Variants in EPS15 observed in about 807,000 individuals in gnomAD.
EPS15 encodes the protein epidermal growth factor receptor substrate 15.
A neutral mutation model predicts 113.8 loss-of-function variants in EPS15; 72 were observed. The ratio of observed to expected loss-of-function variants is 0.63; its 90% confidence interval spans 0.52 to 0.77. EPS15 has a LOEUF of 0.77. Among genes scored for constraint, EPS15 ranks in the 30% least tolerant of loss-of-function variants. EPS15 has a pLI of 0.00. For synonymous variants in EPS15, 344 were observed against 363.4 expected, an observed-to-expected ratio of 0.95 and a Z score of 0.61; for missense variants, 1,048 against 1,045.8, an observed-to-expected ratio of 1.00 and a Z score of -0.03.
intron 1 of EPS15, among the ~76,000 whole-genome samples, chr1:51,499,165 G>A (rs1173582370): frequency 1.3e-5 from 2 of 152,176 alleles, no homozygotes; most frequent in African/African-American, 4.8e-5. Context: ...ATAAATTTCT[G>A]TTCTTTCTAA....
In EPS15 at chr1:51,374,344, C is replaced by T. The variant is rs116287887; in HGVS notation, c.2120-8315G>A. ...TAGAAAGTAAGTATCCTGCCGGGTA[C>T]GGTTGCTCATGCCTGTAATCCCAGC... is the stretch of plus-strand genomic sequence containing the variant. On this transcript the variant is annotated intron_variant, in intron 21 of 24. Transcript: ENST00000371733. Among the ~76,000 whole-genome samples the T allele has an allele frequency of 3.2e-3, 483 of 152,274 alleles. 4 individuals carry two copies. The highest frequency in any genetic ancestry group is 0.011 in the African/African-American group (468 of 41,554).
intron 15 of EPS15, among the ~76,000 whole-genome samples, chr1:51,406,828 C>A (rs1457750310): frequency 6.6e-6 from 1 of 152,040 alleles, no homozygotes; most frequent in African/African-American, 2.4e-5. Context: ...CTAGGGGAGA[C>A]AGACATATAA....
At position 51,405,954 on chromosome 1, in the gene EPS15, A is replaced by C; in HGVS notation, c.1628T>G (p.Val543Gly). The C allele has an allele frequency of 6.2e-7, 1 of 1,614,150 alleles. No homozygotes were observed. The highest frequency in any genetic ancestry group is 8.5e-7 in the Non-Finnish European group (1 of 1,180,016). ...SSETANLNEH[V>G]EGQSNLESEP... is the part of the protein sequence containing the mutation. Reference sequence around the variant, plus strand: ...AGACTCTAGGTTGCTCTGGCCTTCAACATGTTCATTAAGGTTGGCTGTTTC... The same window carrying C: ...AGACTCTAGGTTGCTCTGGCCTTCACCATGTTCATTAAGGTTGGCTGTTTC... Residue 543 changes from valine to glycine, a missense_variant, in exon 16 of 25, where the codon GTT (valine) becomes GGT (glycine). Physicochemically the swap from Val to Gly is moderately radical, Grantham distance 109 (BLOSUM62 -3). Transcript: ENST00000371733.
chr1:51,370,698 G>A (rs1440246161), intron 21 of EPS15, among the ~76,000 whole-genome samples: 3 of 151,278 alleles, frequency 2.0e-5, no homozygotes, highest in East Asian at 1.9e-4. Context: ...TCAGCTCACC[G>A]AAACCTCCGC....
At chr1:51,475,825 A>C (rs1403020026) in intron 2 of EPS15, among the ~76,000 whole-genome samples, 5 of 152,174 alleles carry the variant, frequency 3.3e-5, no homozygotes, top group Admixed American at 6.5e-5. Flanking sequence ...TCTAACATTT[A>C]AGTCTTTAAT....
At chr1:51,508,182 AAAAGAG>A (rs1644531412) in intron 1 of EPS15, among the ~76,000 whole-genome samples, 1 of 135,930 alleles carries the variant, frequency 7.4e-6, no homozygotes, top group Admixed American at 8.1e-5. Context: ...CTCAGTCACA[AAAAGAG>A]AAAAGAAAAG....
rs1318350457 is a variant in EPS15 at position 51,519,245 on chromosome 1, T to C, written c.-14A>G. 5 of 1,237,128 alleles carry C rather than the reference T, an allele frequency of 4.0e-6. No homozygotes were observed. Among genetic ancestry groups the C allele is most frequent in the Admixed American group, 3.1e-5 (1 of 32,232 alleles). The allele number at this position is 1,237,128 out of a possible 1,614,324, so 76.6% of individuals were successfully genotyped here. On this transcript the variant is annotated 5_prime_UTR_variant, in exon 1 of 25. It removes an upstream start codon present in the reference 5' UTR. Transcript: ENST00000371733. ...CGCCGCAGCCATGGTGTTTCCATCA[T>C]GCAAGGGAGGGGAAGGAAGACGGGC...
At chr1:51,431,738 C>T (rs972409166) in intron 12 of EPS15, among the ~76,000 whole-genome samples, 10 of 152,040 alleles carry the variant, frequency 6.6e-5, no homozygotes, top group East Asian at 1.9e-4. Flanking sequence ...TGAGTTACCG[C>T]GCCTGGCCAG....
intron 12 of EPS15, 103 bp downstream of exon 12, chr1:51,440,244 G>T: frequency 2.2e-6 from 1 of 445,852 alleles, no homozygotes; most frequent in Non-Finnish European, 4.0e-6. Context: ...AAAGGTGTGT[G>T]TGGGGAGGAA....
At chr1:51,508,586 A>T (rs1489781334) in intron 1 of EPS15, among the ~76,000 whole-genome samples, 1 of 152,196 alleles carries the variant, frequency 6.6e-6, no homozygotes, top group East Asian at 1.9e-4. Flanking sequence ...TTTGTCTTGT[A>T]CTATATCCAG....
At chr1:51,497,709 T>C (rs979285946) in intron 1 of EPS15, among the ~76,000 whole-genome samples, 1 of 152,206 alleles carries the variant, frequency 6.6e-6, no homozygotes, top group Non-Finnish European at 1.5e-5. Flanking sequence ...TGAGGTACCG[T>C]GGCTCATGCC....
At chr1:51,431,451 CTT>C (rs764383254) in intron 12 of EPS15, among the ~76,000 whole-genome samples, 25 of 144,680 alleles carry the variant, frequency 1.7e-4, no homozygotes, top group African/African-American at 6.0e-4. Context: ...AATTTCTTTT[CTT>C]TTTTTTTTTG....
intron 8 of EPS15, 130 bp from the exon 9 acceptor site, chr1:51,448,265 G>C: frequency 2.1e-6 from 1 of 473,770 alleles, no homozygotes; most frequent in Non-Finnish European, 3.8e-6. Context: ...GGCTGGGAGG[G>C]AAAGAAGAGG....
At chr1:51,467,607 A>G (rs1654935293) in intron 5 of EPS15, among the ~76,000 whole-genome samples, 1 of 152,206 alleles carries the variant, frequency 6.6e-6, no homozygotes, top group African/African-American at 2.4e-5. Flanking sequence ...TGGGCCACAA[A>G]CTGGTACCCA....
intron 12 of EPS15, among the ~76,000 whole-genome samples, chr1:51,436,972 G>A (rs1652199422): frequency 6.6e-6 from 1 of 151,924 alleles, no homozygotes; most frequent in African/African-American, 2.4e-5. Context: ...TTCGATGAGT[G>A]TTATATTACA....
At chr1:51,491,237 A>C (rs1043160565) in intron 1 of EPS15, among the ~76,000 whole-genome samples, 7 of 152,198 alleles carry the variant, frequency 4.6e-5, no homozygotes, top group Non-Finnish European at 7.3e-5. Context: ...ACATATTAAC[A>C]CATAAAAATT....
At chr1:51,399,533 A>C (rs952474534) in intron 19 of EPS15, among the ~76,000 whole-genome samples, 1 of 150,244 alleles carries the variant, frequency 6.7e-6, no homozygotes, top group Non-Finnish European at 1.5e-5. Context: ...CCTGGGTGAC[A>C]GTGAGACCCT....
chr1:51,419,570 A>G (rs187412706), intron 13 of EPS15, among the ~76,000 whole-genome samples: 32 of 152,182 alleles, frequency 2.1e-4, no homozygotes, highest in Non-Finnish European at 8.8e-5. Flanking sequence ...CTCCTCCCCA[A>G]TGTCTTCATT....
intron 2 of EPS15, among the ~76,000 whole-genome samples, chr1:51,474,086 G>A (rs768416254): frequency 4.8e-4 from 73 of 152,182 alleles, no homozygotes; most frequent in Non-Finnish European, 9.6e-4. Context: ...AAATCATTAT[G>A]TACTGTATCC....
Sources: allele counts gnomAD v4.1 joint callset (sites outside exome capture counted in the v4.1 genomes callset), GRCh38; gene constraint gnomAD v4.1.1; transcripts MANE v1.5; gene names NCBI Gene and HGNC (gene_info 2026-07-23, HGNC 2026-07-21).